Variants in CHRM5 observed in about 807,000 individuals in gnomAD.
The protein encoded by CHRM5 is cholinergic receptor muscarinic 5.
A neutral mutation model predicts 39.0 loss-of-function variants in CHRM5; 18 were observed. The ratio of observed to expected loss-of-function variants is 0.46; its 90% CI spans 0.32 to 0.68. The LOEUF (loss-of-function observed/expected upper bound fraction) is 0.68. CHRM5 is among the 30% of genes least tolerant of loss of function. The probability of loss-of-function intolerance (pLI) is 0.04; values close to 1 mark genes in which losing one functional copy is unlikely to be tolerated. For synonymous variants in CHRM5, 241 were observed against 246.3 expected, an observed-to-expected ratio of 0.98 and a Z score of 0.20; for missense variants, 515 against 651.1, an observed-to-expected ratio of 0.79 and a Z score of 2.28.
intron 1 of CHRM5, among the ~76,000 whole-genome samples, chr15:34,037,100 A>T (rs1899166669): frequency 7.3e-6 from 1 of 137,418 alleles, no homozygotes; most frequent in African/African-American, 3.2e-5. Context: ...CAAGAGTAAA[A>T]CTCCGTCTCA....
In CHRM5 at chr15:34,023,407, G is replaced by A. The variant is rs73387983; in HGVS notation, c.-407-23133G>A. ...TAGTAATCTTAGTAACAGTTGTTGC[G>A]GCAGCATCTCTCTTGGCCACATCAC... On this transcript the variant is annotated intron_variant, in intron 1 of 2. Coordinates refer to ENST00000383263, the MANE Select transcript of CHRM5 (RefSeq NM_012125.4). 9.0e-3 allele frequency among the ~76,000 whole-genome samples: 1,373 copies of A among 152,162 alleles called. 25 individuals are homozygous for A. The highest frequency in any genetic ancestry group is 0.032 in the African/African-American group (1,337 of 41,508).
At chr15:34,031,168 A>ATTTTTTTTTTTTTTTTTTTTTT (rs34414446) in intron 1 of CHRM5, among the ~76,000 whole-genome samples, 7 of 67,600 alleles carry the variant, frequency 1.0e-4, no homozygotes, top group South Asian at 6.1e-4. Flanking sequence ...GCTTAGGTTA[A>ATTTTTTTTTTTTTTTTTTTTTT]TTTTTTTTTT....
chr15:34,016,061 G>C (rs917732885), intron 1 of CHRM5, among the ~76,000 whole-genome samples: 1 of 152,188 alleles, frequency 6.6e-6, no homozygotes, highest in Admixed American at 6.5e-5. Context: ...CGGATCGCCT[G>C]AGGTCAGGAG....
chr15:33,978,205 G>T (rs1329601370), intron 1 of CHRM5, among the ~76,000 whole-genome samples: 1 of 152,154 alleles, frequency 6.6e-6, no homozygotes, highest in South Asian at 2.1e-4. Flanking sequence ...CAGACTGGCC[G>T]TTCTGAACAA....
chr15:34,059,053 T>C (rs1374143562), intron 2 of CHRM5, among the ~76,000 whole-genome samples: 1 of 149,408 alleles, frequency 6.7e-6, no homozygotes, highest in Non-Finnish European at 1.5e-5. Context: ...CACACCACCA[T>C]GCCCAGCTAA....
chr15:34,003,253 C>G, intron 1 of CHRM5: 1 of 1,593,460 alleles, frequency 6.3e-7, no homozygotes, highest in Non-Finnish European at 8.6e-7. Flanking sequence ...AGTGGAAATC[C>G]TGACCTTAGT....
chr15:34,036,416 C>CT (rs1244006464), intron 1 of CHRM5, among the ~76,000 whole-genome samples: 7 of 152,250 alleles, frequency 4.6e-5, no homozygotes, highest in Non-Finnish European at 8.8e-5. Context: ...CTTTACATGG[C>CT]TAGGAGTCTA....
At chr15:33,992,756 A>T (rs1009600353) in intron 1 of CHRM5, among the ~76,000 whole-genome samples, 9 of 152,258 alleles carry the variant, frequency 5.9e-5, no homozygotes, top group Admixed American at 1.3e-4. Context: ...TTAAAAGTAC[A>T]GGCTGCTAGA....
intron 1 of CHRM5, among the ~76,000 whole-genome samples, chr15:33,994,302 A>G (rs1237085926): frequency 6.6e-6 from 1 of 152,198 alleles, no homozygotes; most frequent in African/African-American, 2.4e-5. Flanking sequence ...CACGCTCCTT[A>G]TGAGAATCTA....
chr15:34,035,129 G>A (rs76818512), intron 1 of CHRM5, among the ~76,000 whole-genome samples: 3,041 of 152,148 alleles, frequency 0.02, 79 homozygotes, highest in Admixed American at 0.049. Flanking sequence ...AACGCCATCG[G>A]GTATTAATTA....
chr15:33,971,575 T>C (rs1236482153), intron 1 of CHRM5, among the ~76,000 whole-genome samples: 1 of 152,098 alleles, frequency 6.6e-6, no homozygotes, highest in Non-Finnish European at 1.5e-5. Flanking sequence ...TAATTTTGTA[T>C]ATAAAATTAG....
rs539584220 is a variant in CHRM5, at chr15:34,060,876, C to A, written c.-75-1767C>A. Among the ~76,000 whole-genome samples, 179 of 151,664 alleles carry A rather than the reference C, an allele frequency of 1.2e-3. 1 individual carries two copies. Among genetic ancestry groups the A allele is most frequent in the African/African-American group, 4.1e-3 (171 of 41,352 alleles). On this transcript the variant is annotated intron_variant, in intron 2 of 2. Transcript: ENST00000383263. ...CAAGGGCAAGACTCTGTTAGCCGGG[C>A]GTGGTGGCAGGCGCCTGTAGTCCCA...
chr15:34,025,786 G>C (rs2702281), intron 1 of CHRM5, among the ~76,000 whole-genome samples: 1 of 151,794 alleles, frequency 6.6e-6, no homozygotes, highest in Non-Finnish European at 1.5e-5. Flanking sequence ...GTGTGTGTGC[G>C]CATGTGTAAA....
chr15:33,990,042 A>G (rs1057011777), intron 1 of CHRM5, among the ~76,000 whole-genome samples: 1 of 151,810 alleles, frequency 6.6e-6, no homozygotes, highest in East Asian at 1.9e-4. Flanking sequence ...GTCTCTACTA[A>G]AAATACACAA....
At chr15:34,002,701 G>C (rs1897182322) in intron 1 of CHRM5, among the ~76,000 whole-genome samples, 1 of 152,146 alleles carries the variant, frequency 6.6e-6, no homozygotes, top group African/African-American at 2.4e-5. Context: ...ACAAATATAA[G>C]GAATGTTTCC....
At chr15:33,981,610 G>C (rs534879504) in intron 1 of CHRM5, among the ~76,000 whole-genome samples, 3 of 152,168 alleles carry the variant, frequency 2.0e-5, no homozygotes, top group African/African-American at 7.2e-5. Flanking sequence ...CACAGGGGGC[G>C]AGAGTGCAAT....
intron 2 of CHRM5, among the ~76,000 whole-genome samples, chr15:34,060,964 C>A (rs139338888): frequency 6.7e-6 from 1 of 149,992 alleles, no homozygotes; most frequent in East Asian, 2.0e-4. Flanking sequence ...TGCAGTGAGC[C>A]GAGATAGCGC....
At chr15:34,012,191 G>A (rs1166396604) in intron 1 of CHRM5, among the ~76,000 whole-genome samples, 1 of 152,104 alleles carries the variant, frequency 6.6e-6, no homozygotes, top group Non-Finnish European at 1.5e-5. Flanking sequence ...GCATTAAATG[G>A]TCCTATATAA....
chr15:34,034,575 G>A (rs2140776779), intron 1 of CHRM5, among the ~76,000 whole-genome samples: 1 of 151,996 alleles, frequency 6.6e-6, no homozygotes. Flanking sequence ...AAAAATGTTA[G>A]ATATAAACTT....
Sources: allele counts gnomAD v4.1 joint callset (sites outside exome capture counted in the v4.1 genomes callset), GRCh38; gene constraint gnomAD v4.1.1; transcripts MANE v1.5; gene names NCBI Gene and HGNC (gene_info 2026-07-23, HGNC 2026-07-21).